IL34: variants seen among roughly 807,000 people sequenced by gnomAD.
IL34 encodes the protein interleukin 34.
In IL34, 17 loss-of-function variants were observed where a neutral mutation model predicts 25.3. The observed-to-expected ratio is 0.67, with a 90% CI of 0.46 to 1.01. The LOEUF (loss-of-function observed/expected upper bound fraction) is 1.01, where lower values mean the gene tolerates loss of function less well. Among genes scored for constraint, IL34 ranks in the 50% least tolerant of loss-of-function variants. The probability of loss-of-function intolerance (pLI) is 0.00; values close to 1 mark genes in which losing one functional copy is unlikely to be tolerated. For missense variants in IL34, 368 were observed against 312.9 expected (o/e 1.18, Z -1.33); for synonymous variants, 174 against 140.9 (o/e 1.23, Z -1.66).
chr16:70,591,053 C>T (rs1347177459), intron 1 of IL34, among the ~76,000 whole-genome samples: 1 of 152,248 alleles, frequency 6.6e-6, no homozygotes, highest in African/African-American at 2.4e-5. Flanking sequence ...ACTGTGGGGA[C>T]CATGCCAAGC....
chr16:70,647,456 A>G (rs12929463), intron 1 of IL34, among the ~76,000 whole-genome samples: 45,744 of 152,166 alleles, frequency 0.3, 7,171 homozygotes, highest in South Asian at 0.45. Flanking sequence ...CAGAATTAAA[A>G]AGCAGAAAGA....
At chr16:70,637,858 G>A (rs1050266111) in intron 1 of IL34, among the ~76,000 whole-genome samples, 3 of 152,152 alleles carry the variant, frequency 2.0e-5, no homozygotes, top group African/African-American at 7.2e-5. Context: ...TCTATTTAAA[G>A]CAATCGGCAC....
Position 70,646,745 on chromosome 16 carries a change from C to T in IL34, c.-203C>T. 5.9e-6 allele frequency: 3 copies of T among 509,678 alleles called. No homozygotes were observed. Among genetic ancestry groups the T allele is most frequent in the Non-Finnish European group, 1.0e-5 (3 of 295,618 alleles). The allele number at this position is 509,678 out of a possible 1,614,324, so 31.6% of individuals were successfully genotyped here. A position where few individuals can be genotyped will look rare whatever the true frequency, so the allele number is the denominator to read the frequency against. On this transcript the variant is annotated 5_prime_UTR_variant, in exon 1 of 6. Transcript: ENST00000288098. Reference sequence around the variant, plus strand: ...GCGGCCACCGCCCCCCGGCTGTCCTCCACGCTGCCGGGCAGATAAGGGCAG... The same window carrying T: ...GCGGCCACCGCCCCCCGGCTGTCCTTCACGCTGCCGGGCAGATAAGGGCAG...
At chr16:70,656,711 TGCCTCCTGCGACATCCGGTGGGCCCCA>T (rs778318871) in intron 3 of IL34, 32 bp downstream of exon 3, 3 of 1,083,406 alleles carry the variant, frequency 2.8e-6, no homozygotes, top group African/African-American at 1.5e-5. Context: ...GGGGGGACCC[TGCCTCCTGCGACATCCGGTGGGCCCCA>T]GCCTCAGAGG....
At chr16:70,600,892 G>A (rs372279286) in intron 1 of IL34, among the ~76,000 whole-genome samples, 1 of 125,674 alleles carries the variant, frequency 8.0e-6, no homozygotes, top group African/African-American at 4.5e-5. Flanking sequence ...GCTGGGAGAA[G>A]TAGGAGATGC....
intron 1 of IL34, among the ~76,000 whole-genome samples, chr16:70,593,149 GT>G (rs1294562384): frequency 6.6e-6 from 1 of 152,028 alleles, no homozygotes; most frequent in Non-Finnish European, 1.5e-5. Context: ...TTTTAACTGG[GT>G]TGTTTGTTTT....
chr16:70,594,526 G>A (rs1597736941), intron 1 of IL34, among the ~76,000 whole-genome samples: 1 of 152,264 alleles, frequency 6.6e-6, no homozygotes, highest in Non-Finnish European at 1.5e-5. Flanking sequence ...GACAGTTACT[G>A]ATGCCTGGTT....
At chr16:70,643,916 A>C (rs2051845223), upstream of IL34, among the ~76,000 whole-genome samples, 1 of 152,208 alleles carries the variant, frequency 6.6e-6, no homozygotes, top group South Asian at 2.1e-4. Context: ...TTTGCTTTAA[A>C]ATATTCCTGG....
At chr16:70,581,260 G>C (rs1597730657) in intron 1 of IL34, among the ~76,000 whole-genome samples, 1 of 152,284 alleles carries the variant, frequency 6.6e-6, no homozygotes, top group South Asian at 2.1e-4. Context: ...ACTAGATGTT[G>C]TTTTAAGGTC....
At chr16:70,624,915 C>A (rs911695172) in intron 1 of IL34, among the ~76,000 whole-genome samples, 2 of 151,370 alleles carry the variant, frequency 1.3e-5, no homozygotes, top group Non-Finnish European at 2.9e-5. Context: ...AGGGGACAGG[C>A]GGGAGGGAAA....
At chr16:70,627,150 T>C (rs2051411616) in intron 1 of IL34, among the ~76,000 whole-genome samples, 1 of 152,162 alleles carries the variant, frequency 6.6e-6, no homozygotes, top group African/African-American at 2.4e-5. Flanking sequence ...TTTTAATATA[T>C]GAAAGGGATG....
At chr16:70,615,956 A>G (rs1156444471) in intron 1 of IL34, among the ~76,000 whole-genome samples, 1 of 152,146 alleles carries the variant, frequency 6.6e-6, no homozygotes, top group Non-Finnish European at 1.5e-5. Flanking sequence ...CTGTCTCAAT[A>G]AAAAAATCCG....
intron 1 of IL34, among the ~76,000 whole-genome samples, chr16:70,585,444 G>A (rs933344615): frequency 3.9e-5 from 6 of 151,952 alleles, no homozygotes; most frequent in African/African-American, 1.2e-4. Flanking sequence ...TGTAATCCCA[G>A]CACTTTGGGA....
intron 1 of IL34, among the ~76,000 whole-genome samples, chr16:70,634,881 T>C (rs1341729538): frequency 6.8e-6 from 1 of 147,360 alleles, no homozygotes; most frequent in African/African-American, 2.6e-5. Flanking sequence ...AATAATGTTT[T>C]TGAGATTCAT....
intron 1 of IL34, among the ~76,000 whole-genome samples, chr16:70,608,119 CTTTTTTCTTTTTTTT>C (rs2051036497): frequency 1.5e-5 from 1 of 68,758 alleles, no homozygotes; most frequent in East Asian, 3.8e-4. Context: ...GATTGATTTT[CTTTTTTCTTTTTTTT>C]TTTTTTTTTT....
At chr16:70,648,183 G>C (rs1318494570) in intron 1 of IL34, among the ~76,000 whole-genome samples, 2 of 152,186 alleles carry the variant, frequency 1.3e-5, no homozygotes, top group African/African-American at 2.4e-5. Flanking sequence ...AGATCAGTCT[G>C]GTGGTGTTTG....
chr16:70,631,649 A>T (rs1411823568), intron 1 of IL34, among the ~76,000 whole-genome samples: 4 of 152,140 alleles, frequency 2.6e-5, no homozygotes, highest in African/African-American at 9.7e-5. Flanking sequence ...GTGGAAAAAT[A>T]AAAAAGTTAA....
At chr16:70,602,810 G>C (rs549250466) in intron 1 of IL34, among the ~76,000 whole-genome samples, 205 of 152,186 alleles carry the variant, frequency 1.3e-3, no homozygotes, top group Non-Finnish European at 2.1e-3. Context: ...ATGTGGCTAG[G>C]ACACTAGGTG....
At chr16:70,658,475 T>A (rs955308561) in intron 4 of IL34, among the ~76,000 whole-genome samples, 6 of 151,158 alleles carry the variant, frequency 4.0e-5, no homozygotes, top group African/African-American at 1.5e-4. Flanking sequence ...CTGCCTGGCC[T>A]CTGTGGTGGC....
Sources: allele counts gnomAD v4.1 joint callset (sites outside exome capture counted in the v4.1 genomes callset), GRCh38; gene constraint gnomAD v4.1.1; transcripts MANE v1.5; gene names NCBI Gene and HGNC (gene_info 2026-07-23, HGNC 2026-07-21).